The following GPALPP1 variants were observed in gnomAD, a reference collection of about 807,000 sequenced individuals.
The protein encoded by GPALPP1 is GPALPP motifs-containing protein 1.
A neutral mutation model predicts 38.9 loss-of-function variants in GPALPP1; 30 were observed. The ratio of observed to expected loss-of-function variants is 0.77; its 90% confidence interval spans 0.58 to 1.05. The LOEUF (loss-of-function observed/expected upper bound fraction) is 1.05. Among genes scored for constraint, GPALPP1 ranks in the 50% least tolerant of loss-of-function variants. The pLI is 0.00. For synonymous variants in GPALPP1, 120 were observed against 139.2 expected (o/e 0.86, Z 0.97); for missense variants, 384 against 408.8 (o/e 0.94, Z 0.52).
intron 5 of GPALPP1, 59 bp from the exon 6 acceptor site, chr13:45,015,373 T>C: frequency 2.0e-6 from 2 of 1,019,638 alleles, no homozygotes; most frequent in South Asian, 3.8e-5. Context: ...TACATATATA[T>C]GTACTCATCT....
chr13:45,015,359 C>T, intron 5 of GPALPP1, 73 bp from the exon 6 acceptor site: 1 of 870,080 alleles, frequency 1.1e-6, no homozygotes, highest in Non-Finnish European at 1.7e-6. Flanking sequence ...GACACAGTTG[C>T]TTGTACATAT....
downstream of GPALPP1, chr13:45,032,092 A>G (rs1280668032): frequency 6.6e-6 from 1 of 152,234 alleles, no homozygotes; most frequent in Non-Finnish European, 1.5e-5. Context: ...TGCTTCAAAT[A>G]GTAACCACAT....
At chr13:45,020,259 A>G in intron 6 of GPALPP1, 71 bp from the exon 7 acceptor site, 1 of 671,164 alleles carries the variant, frequency 1.5e-6, no homozygotes, top group Non-Finnish European at 2.6e-6. Context: ...ATCTAAGTAA[A>G]AATAATATTT....
chr13:44,996,784 C>CTTTTTTTTTTTTTT (rs770919969), intron 1 of GPALPP1, among the ~76,000 whole-genome samples: 1 of 80,400 alleles, frequency 1.2e-5, no homozygotes, highest in African/African-American at 6.1e-5. Context: ...TGCCCAGCCT[C>CTTTTTTTTTTTTTT]TTTTTTTTTT....
chr13:45,035,252 G>A (rs559129183), downstream of GPALPP1: 22 of 152,466 alleles, frequency 1.4e-4, no homozygotes, highest in South Asian at 8.3e-4. Context: ...CACCGCCCCC[G>A]GCCTCCAATG....
intron 1 of GPALPP1, chr13:44,990,197 AT>A (rs1335267065): frequency 5.3e-6 from 2 of 378,168 alleles, no homozygotes; most frequent in Non-Finnish European, 9.4e-6. Flanking sequence ...AACCTTGCAG[AT>A]CCTGTTCTCT....
intron 4 of GPALPP1, among the ~76,000 whole-genome samples, chr13:45,010,510 A>G (rs1486546120): frequency 1.3e-5 from 2 of 152,296 alleles, no homozygotes; most frequent in South Asian, 2.1e-4. Flanking sequence ...TGCCTTATAC[A>G]TAGTAGATAT....
intron 1 of GPALPP1, among the ~76,000 whole-genome samples, chr13:44,996,048 G>A (rs530685399): frequency 5.9e-5 from 9 of 152,190 alleles, no homozygotes; most frequent in Admixed American, 3.3e-4. Flanking sequence ...TCCTTTTGGC[G>A]GAGTAGAGGA....
At chr13:45,001,677 C>CT (rs1264403544) in intron 1 of GPALPP1, 73 of 148,682 alleles carry the variant, frequency 4.9e-4, no homozygotes, top group African/African-American at 1.4e-3. Flanking sequence ...CAAATCAAAC[C>CT]TTTTTTTTTT....
At chr13:45,027,578 G>A (rs188278814) in intron 7 of GPALPP1, among the ~76,000 whole-genome samples, 44 of 150,820 alleles carry the variant, frequency 2.9e-4, no homozygotes, top group Admixed American at 2.4e-3. Flanking sequence ...GTACTCTGAT[G>A]TTTAGTATTT....
At chr13:44,994,922 C>T (rs1005993687) in intron 1 of GPALPP1, among the ~76,000 whole-genome samples, 6 of 151,614 alleles carry the variant, frequency 4.0e-5, no homozygotes, top group East Asian at 1.9e-4. Flanking sequence ...GGCACAATCT[C>T]GGCTCACCAC....
chr13:44,989,955 T>A lies in GPALPP1; in HGVS notation c.88+213T>A. ...CGAGCTTTGGCGTGGTTTGGCTTCG[T>A]GATGATAATACATTCTCATTTAGCC... is the stretch of plus-strand genomic sequence containing the variant. On this transcript the variant is annotated intron_variant, in intron 1 of 7. Coordinates refer to ENST00000379151, the MANE Select transcript of GPALPP1 (RefSeq NM_018559.5). 10 of 594,508 alleles carry A rather than the reference T, an allele frequency of 1.7e-5. 1 individual carries two copies. The highest frequency in any genetic ancestry group is 4.5e-4 in the Middle Eastern group (1 of 2,242). 36.8% of individuals were successfully genotyped at this position (594,508 alleles called of 1,614,324 possible).
At chr13:45,019,893 T>A (rs1593403582) in intron 6 of GPALPP1, among the ~76,000 whole-genome samples, 1 of 142,126 alleles carries the variant, frequency 7.0e-6, no homozygotes, top group Admixed American at 7.0e-5. Flanking sequence ...TTTTTTTTTT[T>A]TTTTTTTTTG....
chr13:45,000,082 G>A (rs1013406819), intron 1 of GPALPP1, among the ~76,000 whole-genome samples: 3 of 152,038 alleles, frequency 2.0e-5, no homozygotes, highest in African/African-American at 7.3e-5. Flanking sequence ...TTTAAAAAAT[G>A]TATATCTCGT....
chr13:44,995,816 C>G (rs1295727971), intron 1 of GPALPP1, among the ~76,000 whole-genome samples: 1 of 152,202 alleles, frequency 6.6e-6, no homozygotes, highest in Admixed American at 6.5e-5. Flanking sequence ...GCATTTCTGA[C>G]AAGCTCCCAG....
chr13:45,004,649 T>C (rs117164931), intron 2 of GPALPP1, among the ~76,000 whole-genome samples: 2,419 of 152,240 alleles, frequency 0.016, 35 homozygotes, highest in Non-Finnish European at 0.024. Flanking sequence ...TTTCAATATA[T>C]ATGTATATTT....
At chr13:45,004,462 G>T in intron 2 of GPALPP1, 25 bp downstream of exon 2, 2 of 1,575,314 alleles carry the variant, frequency 1.3e-6, no homozygotes, top group Non-Finnish European at 1.7e-6. Flanking sequence ...TAAATTAAAT[G>T]ATAGACCAAA....
At chr13:45,019,604 CTTT>C (rs751928407) in intron 6 of GPALPP1, among the ~76,000 whole-genome samples, 1 of 126,594 alleles carries the variant, frequency 7.9e-6, no homozygotes. Flanking sequence ...CACAATTTTT[CTTT>C]TTTTTTTTTT....
chr13:44,994,292 C>T (rs1300286419), intron 1 of GPALPP1, among the ~76,000 whole-genome samples: 1 of 150,738 alleles, frequency 6.6e-6, no homozygotes, highest in African/African-American at 2.4e-5. Context: ...TAAAAAAATG[C>T]CCTCTCGCGG....
Sources: gnomAD v4.1 joint callset for allele counts (sites outside exome capture counted in the v4.1 genomes callset) on GRCh38, gnomAD v4.1.1 for gene constraint, MANE v1.5 for transcripts, NCBI Gene and HGNC (gene_info 2026-07-23, HGNC 2026-07-21) for gene names.